P4HB: variants seen among roughly 807,000 people sequenced by gnomAD.
P4HB encodes protein disulfide-isomerase.
P4HB carries 20 observed loss-of-function variants against 52.6 expected under a neutral mutation model. The observed-to-expected ratio is 0.38, with a 90% confidence interval of 0.27 to 0.55. The LOEUF is 0.55. P4HB is among the 20% of genes least tolerant of loss of function. The probability of loss-of-function intolerance (pLI) is 0.74; values close to 1 mark genes in which losing one functional copy is unlikely to be tolerated. For missense variants in P4HB, 601 were observed against 669.2 expected (o/e 0.90, Z 1.12); for synonymous variants, 296 against 277.9 (o/e 1.07, Z -0.65).
Position 81,846,837 on chromosome 17 carries a change from C to G in P4HB, c.855+110G>C. The G allele has an allele frequency of 7.1e-7, 1 of 1,407,938 alleles. No individual in the cohort carries two copies. The highest frequency in any genetic ancestry group is 9.9e-7 in the Non-Finnish European group (1 of 1,014,504). 87.2% of individuals were successfully genotyped at this position (1,407,938 alleles called of 1,614,324 possible). On this transcript the variant is annotated intron_variant, in intron 6 of 10. Transcript: ENST00000331483. This position sits in a 1 kb window ranked among gnomAD's most constrained non-coding sequence, Gnocchi z 5.7. Reference sequence around the variant, plus strand: ...CATCCAGGCTGTCCTGAATCAGGTGCCCGATCCAGTCCAGCAGGCAGCCTC... The same window carrying G: ...CATCCAGGCTGTCCTGAATCAGGTGGCCGATCCAGTCCAGCAGGCAGCCTC...
At chr17:81,858,572 G>A (rs1211606304) in intron 2 of P4HB, among the ~76,000 whole-genome samples, 1 of 152,168 alleles carries the variant, frequency 6.6e-6, no homozygotes, top group Non-Finnish European at 1.5e-5. Context: ...TGGCTACACA[G>A]GGGCTCGGCC....
In P4HB at chr17:81,859,691, T is replaced by A. The variant is rs888572611; in HGVS notation, c.146-304A>T. 246 of 435,148 alleles carry A rather than the reference T, an allele frequency of 5.7e-4. 1 individual carries two copies. The highest frequency in any genetic ancestry group is 7.8e-4 in the Non-Finnish European group (184 of 234,790). The allele number at this position is 435,148 out of a possible 1,614,324, so 27.0% of individuals were successfully genotyped here. ...TGACTTCTTATTCCCCACAGGCAAC[T>A]AAGGCAAGGATCTCCCCTAGACTTT... is the stretch of plus-strand genomic sequence containing the variant. On this transcript the variant is annotated intron_variant, in intron 1 of 10. Transcript: ENST00000331483.
intron 4 of P4HB, among the ~76,000 whole-genome samples, chr17:81,852,520 C>G (rs573701292): frequency 1.3e-5 from 2 of 152,262 alleles, no homozygotes; most frequent in Non-Finnish European, 2.9e-5. Context: ...CCACGTGCAC[C>G]GGACAGGGGG....
At position 81,843,886 on chromosome 17, in the gene P4HB, G is replaced by T; in HGVS notation, c.*126C>A. On this transcript the variant is annotated 3_prime_UTR_variant, in exon 11 of 11. Coordinates refer to ENST00000331483, the MANE Select transcript of P4HB (RefSeq NM_000918.4). ...TGTGTAGGGGTGAGGTGTCACTTCA[G>T]AGAGGTTCCCTGGGTTTCCGGCGAC... is the stretch of plus-strand genomic sequence containing the variant. 1.3e-6 allele frequency: 1 copy of T among 751,170 alleles called. No homozygotes were observed. 46.5% of individuals were successfully genotyped at this position (751,170 alleles called of 1,614,324 possible). A position where few individuals can be genotyped will look rare whatever the true frequency, so the allele number is the denominator to read the frequency against.
At chr17:81,857,157 TTTA>T (rs960352940) in intron 2 of P4HB, among the ~76,000 whole-genome samples, 2 of 152,100 alleles carry the variant, frequency 1.3e-5, no homozygotes, top group Non-Finnish European at 1.5e-5. Context: ...TTTTAAAAAT[TTTA>T]TTTTTTGAAA....
At chr17:81,852,792 C>T (rs2038852623) in intron 4 of P4HB, among the ~76,000 whole-genome samples, 2 of 152,274 alleles carry the variant, frequency 1.3e-5, no homozygotes, top group Non-Finnish European at 2.9e-5. Context: ...TATCACCAAA[C>T]TGTCCATAGA....
chr17:81,848,293 G>C (rs777543802), intron 4 of P4HB, among the ~76,000 whole-genome samples: 7 of 152,242 alleles, frequency 4.6e-5, no homozygotes, highest in African/African-American at 7.2e-5. Flanking sequence ...AGGCTGCTGG[G>C]CGCATGGTGT....
Position 81,860,417 on chromosome 17 carries a change from C to A in P4HB, c.55G>T (p.Ala19Ser). 7.0e-7 allele frequency: 1 copy of A among 1,432,114 alleles called. No individual in the cohort carries two copies. 88.7% of individuals were successfully genotyped at this position (1,432,114 alleles called of 1,614,324 possible). A position where few individuals can be genotyped will look rare whatever the true frequency, so the allele number is the denominator to read the frequency against. Reference sequence around the variant, plus strand: ...AGGACGTGGTCCTCCTCCTCGGGGGCGTCGGCGCGCACCAGGGCGGCCACG... The same window carrying A: ...AGGACGTGGTCCTCCTCCTCGGGGGAGTCGGCGCGCACCAGGGCGGCCACG... Reference protein sequence around the residue: ...LAVAALVRADAPEEEDHVLVL... With the variant: ...LAVAALVRADSPEEEDHVLVL... The change falls in exon 1 of 11, where the codon GCC (alanine) becomes TCC (serine). Residue 19 changes from alanine to serine, a missense_variant. Physicochemically the swap from Ala to Ser is moderately conservative, Grantham distance 99 (BLOSUM62 1). Transcript: ENST00000331483.
At chr17:81,857,418 G>A (rs1598271708) in intron 2 of P4HB, among the ~76,000 whole-genome samples, 1 of 152,276 alleles carries the variant, frequency 6.6e-6, no homozygotes, top group East Asian at 1.9e-4. Context: ...CAAAGTGCTG[G>A]GATTACAGGC....
chr17:81,849,712 C>A (rs1408793048), intron 4 of P4HB, among the ~76,000 whole-genome samples: 1 of 152,192 alleles, frequency 6.6e-6, no homozygotes, highest in Non-Finnish European at 1.5e-5. Context: ...GCTGAGGATG[C>A]GGCCTCGGCT....
At chr17:81,844,178 C>G (rs566204117) in intron 10 of P4HB, 86 bp from the exon 11 acceptor site, 2 of 957,538 alleles carry the variant, frequency 2.1e-6, no homozygotes, top group Non-Finnish European at 3.4e-6. Context: ...CTGCTCACAC[C>G]GGGGACTAGC....
intron 9 of P4HB, 127 bp from the exon 10 acceptor site, chr17:81,845,357 C>T (rs1445708597): frequency 8.9e-6 from 8 of 901,106 alleles, no homozygotes; most frequent in South Asian, 2.9e-5. Flanking sequence ...GAATCCAGCA[C>T]ATTGGGAGTT....
rs561009643 is a variant in P4HB, at chr17:81,852,713, A to G, written c.624+2429T>C. On this transcript the variant is annotated intron_variant, in intron 4 of 10. Transcript: ENST00000331483. ...GAACGTTAACCTGTGGGGAGCCCAC[A>G]TGGATGGCCACGTGTGAGCCTTTGC... Among the ~76,000 whole-genome samples the G allele has an allele frequency of 4.6e-5, 7 of 152,362 alleles. No homozygotes were observed. The East Asian group carries it at 9.6e-4, about 21-fold the overall frequency.
chr17:81,859,561 A>C, intron 1 of P4HB, 174 bp from the exon 2 acceptor site: 1 of 621,382 alleles, frequency 1.6e-6, no homozygotes, highest in African/African-American at 1.8e-5. Context: ...GTTCTTGGGC[A>C]ATATCAGGAC....
intron 4 of P4HB, among the ~76,000 whole-genome samples, chr17:81,851,410 G>A (rs2038829000): frequency 6.6e-6 from 1 of 152,218 alleles, no homozygotes; most frequent in South Asian, 2.1e-4. Flanking sequence ...TTAAACCAGG[G>A]CACAAGCACC....
At chr17:81,844,139 CTGAGG>C in intron 10 of P4HB, 47 bp from the exon 11 acceptor site, 1 of 1,332,886 alleles carries the variant, frequency 7.5e-7, no homozygotes, top group Non-Finnish European at 1.1e-6. Flanking sequence ...GCTGCAACAG[CTGAGG>C]CTGCCGGCCC....
In P4HB at chr17:81,855,726, A is replaced by G. The variant is rs900057988; in HGVS notation, c.353-140T>C. 2.0e-6 allele frequency: 2 copies of G among 998,512 alleles called. No homozygotes were observed. The highest frequency in any genetic ancestry group is 2.9e-6 in the Non-Finnish European group (2 of 697,080). 61.9% of individuals were successfully genotyped at this position (998,512 alleles called of 1,614,324 possible). The stretch of plus-strand genomic sequence containing the variant: ...AAGTAAGATGTTCTCCCACCATGGA[A>G]GAGGCCCGGTGCCGTCCGCCCGCCT... On this transcript the variant is annotated intron_variant, in intron 2 of 10. Transcript: ENST00000331483. The surrounding 1 kb of genome is among the most constrained non-coding windows in gnomAD (Gnocchi z 4.3).
chr17:81,858,964 G>A (rs1026980715), intron 2 of P4HB: 2 of 570,044 alleles, frequency 3.5e-6, no homozygotes. Flanking sequence ...GATGGCACCA[G>A]ACAAGACAGG....
chr17:81,844,203 A>G (rs943982597), intron 10 of P4HB, 111 bp from the exon 11 acceptor site: 1 of 819,494 alleles, frequency 1.2e-6, no homozygotes, highest in Non-Finnish European at 2.2e-6. Flanking sequence ...CACGGCGGAC[A>G]TGGCCACCGG....
Sources: gnomAD v4.1 joint callset for allele counts (sites outside exome capture counted in the v4.1 genomes callset) on GRCh38, gnomAD v4.1.1 for gene constraint, Gnocchi (gnomAD v3.1) non-coding constraint, MANE v1.5 for transcripts, NCBI Gene and HGNC (gene_info 2026-07-23, HGNC 2026-07-21) for gene names.